RO60: variants seen among roughly 807,000 people sequenced by gnomAD.
RO60 encodes Ro60, Y RNA binding protein.
In RO60, 20 loss-of-function variants were observed where a neutral mutation model predicts 55.3. The ratio of observed to expected loss-of-function variants is 0.36; its 90% confidence interval spans 0.25 to 0.53. The LOEUF (loss-of-function observed/expected upper bound fraction) is 0.53. Ranked by LOEUF, RO60 falls within the 20% of genes least tolerant of loss-of-function variation. The pLI is 0.92. For synonymous variants in RO60, 213 were observed against 213.6 expected (o/e 1.00, Z 0.02); for missense variants, 558 against 646.6 (o/e 0.86, Z 1.49).
chr1:193,085,555 T>A lies in RO60; in HGVS notation c.*824T>A. 1.0e-6 allele frequency: 1 copy of A among 984,672 alleles called. No homozygotes were observed. The highest frequency in any genetic ancestry group is 1.2e-6 in the Non-Finnish European group (1 of 829,314). 61.0% of individuals were successfully genotyped at this position (984,672 alleles called of 1,614,324 possible). A position where few individuals can be genotyped will look rare whatever the true frequency, so the allele number is the denominator to read the frequency against. On this transcript the variant is annotated 3_prime_UTR_variant, in exon 9 of 9. Coordinates refer to ENST00000400968, the MANE Select transcript of RO60 (RefSeq NM_001173524.2). ...AGATGTAGTCTCACACTGTTTTTCATACTCTTAAGTGTAAATAATATAAAA... is the reference window on the plus strand; with the variant it reads ...AGATGTAGTCTCACACTGTTTTTCAAACTCTTAAGTGTAAATAATATAAAA...
rs149539989 is a variant in RO60, at chr1:193,086,912, A to T, written c.*2181A>T. 533 of 152,240 alleles carry T rather than the reference A, an allele frequency of 3.5e-3. 4 individuals carry two copies. The highest frequency in any genetic ancestry group is 0.012 in the African/African-American group (480 of 41,546). 9.4% of individuals were successfully genotyped at this position (152,240 alleles called of 1,614,324 possible). On this transcript the variant is annotated 3_prime_UTR_variant, in exon 9 of 9. Coordinates refer to ENST00000400968, the MANE Select transcript of RO60 (RefSeq NM_001173524.2). ...TTAGAAACCTAAAAGCTAATTTTTTAAATTTTTGTTAGAGAGCTGAGGTCC... is the reference window on the plus strand; with the variant it reads ...TTAGAAACCTAAAAGCTAATTTTTTTAATTTTTGTTAGAGAGCTGAGGTCC...
At chr1:193,060,322 G>T (rs1306145891) in intron 1 of RO60, 1 of 306,978 alleles carries the variant, frequency 3.3e-6, no homozygotes, top group Non-Finnish European at 6.4e-6. Context: ...AAAACATTTG[G>T]AATGGTTCTA....
intron 3 of RO60, 76 bp downstream of exon 3, chr1:193,076,116 G>A: frequency 1.1e-6 from 1 of 923,632 alleles, no homozygotes; most frequent in Non-Finnish European, 1.6e-6. Context: ...TAAACTTGGG[G>A]TAGCTATATA....
rs1572112536 is a variant in RO60 at position 193,086,682 on chromosome 1, C to T, written c.*1951C>T. On this transcript the variant is annotated 3_prime_UTR_variant, in exon 9 of 9. Coordinates refer to ENST00000400968, the MANE Select transcript of RO60 (RefSeq NM_001173524.2). ...CATTACCTTCAGTTGTGTACTATTT[C>T]CATAATACTTTTAGACAAATATATC... 6.6e-6 allele frequency: 1 copy of T among 151,972 alleles called. No individual in the cohort carries two copies. Among genetic ancestry groups the T allele is most frequent in the African/African-American group, 2.4e-5 (1 of 41,398 alleles). The allele number at this position is 151,972 out of a possible 1,614,324, so 9.4% of individuals were successfully genotyped here.
At chr1:193,076,860 AG>A in intron 4 of RO60, 52 bp from the exon 5 acceptor site, 1 of 1,548,806 alleles carries the variant, frequency 6.5e-7, no homozygotes, top group Non-Finnish European at 8.8e-7. Context: ...AAATCTAAGG[AG>A]TATACATAAT....
Position 193,086,427 on chromosome 1 carries a change from A to G in RO60, c.*1696A>G, listed in dbSNP as rs1674627061. 6.6e-6 allele frequency: 1 copy of G among 152,094 alleles called. No individual in the cohort carries two copies. Among genetic ancestry groups the G allele is most frequent in the Non-Finnish European group, 1.5e-5 (1 of 67,988 alleles). 9.4% of individuals were successfully genotyped at this position (152,094 alleles called of 1,614,324 possible). On this transcript the variant is annotated 3_prime_UTR_variant, in exon 9 of 9. Transcript: ENST00000400968. ...ACCCTCACCCCCACTCCAGACATGC[A>G]TTGCTTCTGATGTTGTTCACGTTTT...
Position 193,082,622 on chromosome 1 carries a change from C to G in RO60, c.1378C>G (p.Pro460Ala). 1 of 1,613,884 alleles carries G rather than the reference C, an allele frequency of 6.2e-7. No homozygotes were observed. ...GATCTGGGCTCAGAAGACAAACACA[C>G]CTGCTGATGTCTTCATTGTATTCAC... is the stretch of plus-strand genomic sequence containing the variant. ...PMIWAQKTNT[P>A]ADVFIVFTDN... The change falls in exon 8 of 9, where the codon CCT becomes GCT. Residue 460 changes from proline to alanine, a missense_variant. Transcript: ENST00000400968.
intron 7 of RO60, 117 bp downstream of exon 7, chr1:193,082,416 T>G: frequency 7.5e-7 from 1 of 1,336,808 alleles, no homozygotes; most frequent in South Asian, 1.3e-5. Flanking sequence ...TTTGTCTTAA[T>G]TTTTGCATGA....
In RO60 at chr1:193,084,705, C is replaced by T. The variant is rs749315360; in HGVS notation, c.1591C>T (p.Arg531Ter). The T allele has an allele frequency of 1.9e-6, 3 of 1,612,856 alleles. No individual in the cohort carries two copies. Among genetic ancestry groups the T allele is most frequent in the Non-Finnish European group, 2.5e-6 (3 of 1,179,634 alleles). The change falls in exon 9 of 9, where the codon CGA (arginine) becomes TGA (stop). Residue 531 changes from arginine (R) to a stop codon, truncating the protein, a stop_gained. Transcript: ENST00000400968. LOFTEE classifies it high-confidence loss of function. ...GFDTGALDVI[R>*]NFTLDMI ...TGATACTGGAGCTCTGGATGTAATT[C>T]GAAATTTCACATTAGATATGATTTA...
At chr1:193,063,016 A>G (rs1672883000) in intron 1 of RO60, among the ~76,000 whole-genome samples, 1 of 152,174 alleles carries the variant, frequency 6.6e-6, no homozygotes, top group Admixed American at 6.5e-5. Flanking sequence ...CTTTTGGTTT[A>G]GATACATGTA....
intron 2 of RO60, among the ~76,000 whole-genome samples, chr1:193,074,890 C>T (rs1673796535): frequency 6.6e-6 from 1 of 152,024 alleles, no homozygotes; most frequent in African/African-American, 2.4e-5. Context: ...GTCTTTAATC[C>T]ATCTTGAATT....
In RO60 at chr1:193,086,179, TTA is replaced by T; in HGVS notation, c.*1450_*1451del. On this transcript the variant is annotated 3_prime_UTR_variant, in exon 9 of 9. Coordinates refer to ENST00000400968, the MANE Select transcript of RO60 (RefSeq NM_001173524.2). The stretch of plus-strand genomic sequence containing the variant: ...TTTAGGTGCTTGGGGGTTAGAGGGT[TTA>T]TGTTTTTTGGGAAAGGGGGACTTTA... 1 of 338,898 alleles carries T rather than the reference TTA, an allele frequency of 3.0e-6. No individual in the cohort carries two copies. The highest frequency in any genetic ancestry group is 4.2e-6 in the Non-Finnish European group (1 of 239,246). The allele number at this position is 338,898 out of a possible 1,614,324, so 21.0% of individuals were successfully genotyped here. A position where few individuals can be genotyped will look rare whatever the true frequency, so the allele number is the denominator to read the frequency against.
At chr1:193,063,632 G>A (rs555408823) in intron 1 of RO60, among the ~76,000 whole-genome samples, 49 of 152,190 alleles carry the variant, frequency 3.2e-4, no homozygotes, top group African/African-American at 1.2e-3. Context: ...TAATTCTGTA[G>A]CATCAGCTGG....
At chr1:193,062,719 T>C (rs1403007578) in intron 1 of RO60, among the ~76,000 whole-genome samples, 1 of 152,164 alleles carries the variant, frequency 6.6e-6, no homozygotes, top group Non-Finnish European at 1.5e-5. Flanking sequence ...CTTAGACTAA[T>C]GTACTTTTTA....
chr1:193,075,917 A>G lies in RO60; in HGVS notation c.678A>G (p.Leu226=), dbSNP rs759523499. ...KALSVETEKL[L]KYLEAVEKVK... is the part of the protein sequence containing the mutation. ...TCTCTGTGGAGACTGAAAAATTATT[A>G]AAGTATCTGGAGGCTGTAGAGAAAG... Residue 226 remains leucine (L), a synonymous_variant, in exon 3 of 9, where the codon TTA becomes TTG. Coordinates refer to ENST00000400968, the MANE Select transcript of RO60 (RefSeq NM_001173524.2). The G allele has an allele frequency of 6.8e-6, 11 of 1,613,342 alleles. No individual in the cohort carries two copies. In the South Asian group the frequency reaches 7.7e-5, roughly 11 times the overall value.
At chr1:193,067,432 G>A (rs769830177) in intron 1 of RO60, among the ~76,000 whole-genome samples, 4 of 151,846 alleles carry the variant, frequency 2.6e-5, no homozygotes, top group Non-Finnish European at 4.4e-5. Context: ...TGATCCGCCC[G>A]TCTCGGCCTC....
Position 193,069,532 on chromosome 1 carries a change from G to T in RO60, c.478G>T (p.Gly160Cys). The T allele has an allele frequency of 1.9e-6, 3 of 1,614,180 alleles. No individual in the cohort carries two copies. The highest frequency in any genetic ancestry group is 2.5e-6 in the Non-Finnish European group (3 of 1,180,030). The change falls in exon 2 of 9, where the codon GGT becomes TGT. Residue 160 changes from glycine to cysteine, a missense_variant. By Grantham distance (159) the Gly-to-Cys change is radical. Coordinates refer to ENST00000400968, the MANE Select transcript of RO60 (RefSeq NM_001173524.2). ...KAIADWYNEKGGMALALAVTK... is the reference protein window; with the variant it reads ...KAIADWYNEKCGMALALAVTK... Reference sequence around the variant, plus strand: ...TATAGCGGACTGGTACAATGAGAAAGGTGGCATGGCCCTTGCTCTGGCAGT... The same window carrying T: ...TATAGCGGACTGGTACAATGAGAAATGTGGCATGGCCCTTGCTCTGGCAGT...
intron 2 of RO60, among the ~76,000 whole-genome samples, chr1:193,072,795 A>G (rs2103043606): frequency 6.6e-6 from 1 of 152,264 alleles, no homozygotes; most frequent in East Asian, 1.9e-4. Context: ...TGTGAAAATA[A>G]TTATTCTGTG....
chr1:193,062,383 A>G (rs1672840520), intron 1 of RO60, among the ~76,000 whole-genome samples: 1 of 152,214 alleles, frequency 6.6e-6, no homozygotes, highest in African/African-American at 2.4e-5. Flanking sequence ...GGCTAAATAT[A>G]ATTTTTGTGT....
Sources: gnomAD v4.1 joint callset for allele counts (sites outside exome capture counted in the v4.1 genomes callset) on GRCh38, gnomAD v4.1.1 for gene constraint, MANE v1.5 for transcripts, NCBI Gene and HGNC (gene_info 2026-07-23, HGNC 2026-07-21) for gene names.